Variants in S100Z observed in about 807,000 individuals in gnomAD.
S100Z encodes the protein protein S100-Z.
In S100Z, 11 loss-of-function variants were observed where a neutral mutation model predicts 8.5. The observed-to-expected ratio is 1.30, with a 90% CI of 0.82 to 2.15. S100Z has a LOEUF of 2.15. S100Z is among the 30% of genes most tolerant of loss of function. S100Z has a pLI of 0.00. For synonymous variants in S100Z, 34 were observed against 43.8 expected (o/e 0.78, Z 0.89); for missense variants, 126 against 117.9 (o/e 1.07, Z -0.32).
downstream of S100Z, among the ~76,000 whole-genome samples, chr5:76,924,771 A>G (rs1207459068): frequency 6.6e-6 from 1 of 152,080 alleles, no homozygotes; most frequent in Non-Finnish European, 1.5e-5. Flanking sequence ...TTAGCCGGGC[A>G]TGGTGGCAGG....
chr5:76,899,401 TG>T (rs1384649874), intron 4 of S100Z, among the ~76,000 whole-genome samples: 29 of 151,760 alleles, frequency 1.9e-4, no homozygotes, highest in African/African-American at 5.6e-4. Context: ...TTTTTTTTTT[TG>T]GTTTTTGTGG....
At chr5:76,851,106 A>G (rs910522367) in intron 1 of S100Z, among the ~76,000 whole-genome samples, 1 of 152,224 alleles carries the variant, frequency 6.6e-6, no homozygotes, top group African/African-American at 2.4e-5. Context: ...AGAGGAAAGC[A>G]TGAGGTGATA....
chr5:76,898,124 A>C (rs1259106337), intron 4 of S100Z, among the ~76,000 whole-genome samples: 1 of 150,784 alleles, frequency 6.6e-6, no homozygotes, highest in Non-Finnish European at 1.5e-5. Flanking sequence ...TGGGTCTGTC[A>C]TATATGGCTT....
intron 1 of S100Z, among the ~76,000 whole-genome samples, chr5:76,865,240 C>CTTT (rs140953492): frequency 8.9e-5 from 9 of 100,626 alleles, no homozygotes; most frequent in African/African-American, 2.6e-4. Context: ...TGTCCTAGCT[C>CTTT]TTTTTTTTTT....
intron 3 of S100Z, among the ~76,000 whole-genome samples, chr5:76,876,284 T>G (rs1454038107): frequency 6.6e-6 from 1 of 152,208 alleles, no homozygotes; most frequent in Non-Finnish European, 1.5e-5. Flanking sequence ...TATAAAGTAT[T>G]TTTTAACTTA....
chr5:76,893,078 C>G (rs912685494), intron 4 of S100Z, among the ~76,000 whole-genome samples: 28 of 152,092 alleles, frequency 1.8e-4, no homozygotes, highest in African/African-American at 6.5e-4. Context: ...AATTCAGTTC[C>G]CAATCTTAAT....
chr5:76,901,687 A>G (rs191505257), intron 4 of S100Z, among the ~76,000 whole-genome samples: 5 of 152,120 alleles, frequency 3.3e-5, no homozygotes, highest in Middle Eastern at 3.2e-3. Flanking sequence ...GGAATTGGGG[A>G]TCCCAAGAAC....
Position 76,904,416 on chromosome 5 carries a change from G to A in S100Z, c.*3-16301G>A, listed in dbSNP as rs1744351006. ...CTGCCTCAGCCTCCTGAGCAGCTGG[G>A]ATCACTGGCACCCGCCATCATGCCT... On this transcript the variant is annotated intron_variant, in intron 4 of 4. Coordinates refer to ENST00000317593, the MANE Select transcript of S100Z (RefSeq NM_130772.4). 2.0e-5 allele frequency among the ~76,000 whole-genome samples: 3 copies of A among 152,182 alleles called. No individual in the cohort carries two copies. In the South Asian group the frequency reaches 6.2e-4, roughly 32 times the overall value.
At chr5:76,902,637 G>T (rs1317785533) in intron 4 of S100Z, among the ~76,000 whole-genome samples, 47 of 142,618 alleles carry the variant, frequency 3.3e-4, no homozygotes, top group African/African-American at 1.1e-3. Flanking sequence ...GGTTTTTTTT[G>T]TTTTTTTTTT....
At chr5:76,858,396 G>A (rs1410888250) in intron 1 of S100Z, among the ~76,000 whole-genome samples, 3 of 152,140 alleles carry the variant, frequency 2.0e-5, no homozygotes, top group Non-Finnish European at 2.9e-5. Flanking sequence ...GGTGGCACTT[G>A]CCTATAGTCC....
chr5:76,930,452 A>G, the S100Z span, among the ~76,000 whole-genome samples: 2 of 152,182 alleles, frequency 1.3e-5, no homozygotes, highest in African/African-American at 4.8e-5. Context: ...GCACATAAAA[A>G]TCCAATCTTA....
the S100Z span, among the ~76,000 whole-genome samples, chr5:76,935,769 CT>C: frequency 3.0e-3 from 423 of 143,052 alleles, 3 homozygotes; most frequent in Middle Eastern, 3.7e-3. Flanking sequence ...AAAATAATGA[CT>C]TTTTTTTTTT....
chr5:76,856,303 G>A (rs755871433), intron 1 of S100Z, among the ~76,000 whole-genome samples: 3 of 152,146 alleles, frequency 2.0e-5, no homozygotes, highest in Non-Finnish European at 4.4e-5. Context: ...AAATTCAAGC[G>A]ATTCTCCTGC....
intron 2 of S100Z, among the ~76,000 whole-genome samples, chr5:76,873,151 T>C (rs568936060): frequency 2.6e-4 from 40 of 152,016 alleles, no homozygotes; most frequent in Non-Finnish European, 4.6e-4. Context: ...AGCCAGGCAG[T>C]TCATGCTTTT....
intron 4 of S100Z, among the ~76,000 whole-genome samples, chr5:76,898,788 A>G (rs1196615847): frequency 6.6e-6 from 1 of 152,032 alleles, no homozygotes; most frequent in Non-Finnish European, 1.5e-5. Flanking sequence ...TGGTTTTGGT[A>G]TCAGGGTAAT....
At chr5:76,906,987 T>TAC (rs1744464513) in intron 4 of S100Z, among the ~76,000 whole-genome samples, 3 of 11,336 alleles carry the variant, frequency 2.6e-4, no homozygotes, top group Admixed American at 2.1e-3. Context: ...TATATATATA[T>TAC]ATATATATAT....
At chr5:76,894,264 G>C (rs2150663947) in intron 4 of S100Z, among the ~76,000 whole-genome samples, 1 of 152,326 alleles carries the variant, frequency 6.6e-6, no homozygotes, top group East Asian at 1.9e-4. Flanking sequence ...ACCAGAAAAT[G>C]TTAAAATTTA....
intron 4 of S100Z, among the ~76,000 whole-genome samples, chr5:76,896,878 G>C (rs1439319395): frequency 6.6e-6 from 1 of 151,956 alleles, no homozygotes; most frequent in Non-Finnish European, 1.5e-5. Flanking sequence ...CTTTTTGGTT[G>C]GATTATTAGG....
At chr5:76,901,922 G>A (rs1744243520) in intron 4 of S100Z, among the ~76,000 whole-genome samples, 1 of 152,184 alleles carries the variant, frequency 6.6e-6, no homozygotes, top group Non-Finnish European at 1.5e-5. Flanking sequence ...TTAGTTAGCA[G>A]GTGATGAATG....
Sources: gnomAD v4.1 joint callset for allele counts (sites outside exome capture counted in the v4.1 genomes callset) on GRCh38, gnomAD v4.1.1 for gene constraint, MANE v1.5 for transcripts, NCBI Gene and HGNC (gene_info 2026-07-23, HGNC 2026-07-21) for gene names.